NKAIN3: variants seen among roughly 807,000 people sequenced by gnomAD.
NKAIN3 encodes sodium/potassium transporting ATPase interacting 3, also known as sodium/potassium-transporting ATPase subunit beta-1-interacting protein 3.
A neutral mutation model predicts 30.2 loss-of-function variants in NKAIN3; 25 were observed. That is an observed-to-expected ratio of 0.83 (90% CI 0.60 to 1.16). The LOEUF (loss-of-function observed/expected upper bound fraction) is 1.16. Ranked by LOEUF, NKAIN3 falls within the 50% of genes most tolerant of loss-of-function variation. The pLI is 0.00. For synonymous variants in NKAIN3, 91 were observed against 89.6 expected (o/e 1.02, Z -0.09); for missense variants, 225 against 254.1 (o/e 0.89, Z 0.78).
chr8:62,733,953 C>G (rs1352863960), intron 3 of NKAIN3, among the ~76,000 whole-genome samples: 1 of 152,112 alleles, frequency 6.6e-6, no homozygotes, highest in Non-Finnish European at 1.5e-5. Flanking sequence ...ATTCTCTTCC[C>G]TTTAGTGATT....
rs1215250972 is a variant in NKAIN3, at chr8:62,564,686, C to A, written c.55-14853C>A. Reference sequence around the variant, plus strand: ...TCAAATATAATAAAATAGAACAGAACAGAGCAGGTTATGGCACACATAATA... The same window carrying A: ...TCAAATATAATAAAATAGAACAGAAAAGAGCAGGTTATGGCACACATAATA... On this transcript the variant is annotated intron_variant, in intron 1 of 6. Transcript: ENST00000623646. Among the ~76,000 whole-genome samples the A allele has an allele frequency of 2.0e-5, 3 of 152,154 alleles. No individual in the cohort carries two copies. The East Asian group carries it at 5.8e-4, about 30-fold the overall frequency.
chr8:62,924,805 G>T (rs961804649), intron 5 of NKAIN3, among the ~76,000 whole-genome samples: 9 of 152,152 alleles, frequency 5.9e-5, no homozygotes, highest in Non-Finnish European at 1.0e-4. Flanking sequence ...CAGCAGACTT[G>T]GTGTCTGGTG....
intron 4 of NKAIN3, among the ~76,000 whole-genome samples, chr8:62,781,141 A>G (rs1220704928): frequency 1.3e-5 from 2 of 151,990 alleles, no homozygotes; most frequent in Admixed American, 1.3e-4. Context: ...AAATATTGAA[A>G]TAGCCAAAAA....
At position 62,389,109 on chromosome 8, in the gene NKAIN3, A is replaced by C. The variant is rs567870466; in HGVS notation, c.54+139982A>C. ...TGGAGAGGGAAGGGAGAGCTGCTGC[A>C]TGAAAACTAGAAAGGCAGCCTGAAT... On this transcript the variant is annotated intron_variant, in intron 1 of 6. Transcript: ENST00000623646. Among the ~76,000 whole-genome samples, 188 of 152,330 alleles carry C rather than the reference A, an allele frequency of 1.2e-3. 1 individual carries two copies. The highest frequency in any genetic ancestry group is 4.4e-3 in the African/African-American group (183 of 41,574).
intron 3 of NKAIN3, among the ~76,000 whole-genome samples, chr8:62,730,771 G>A (rs1170215617): frequency 2.6e-5 from 4 of 151,892 alleles, no homozygotes; most frequent in Admixed American, 1.3e-4. Context: ...ATTTCTTACT[G>A]CAAAAGCAAA....
intron 4 of NKAIN3, among the ~76,000 whole-genome samples, chr8:62,913,703 A>T (rs369599891): frequency 3.1e-4 from 47 of 152,318 alleles, no homozygotes; most frequent in African/African-American, 9.4e-4. Flanking sequence ...GACACAAATG[A>T]ATTATTTTAA....
intron 5 of NKAIN3, among the ~76,000 whole-genome samples, chr8:62,998,126 G>A (rs1040775916): frequency 1.3e-5 from 2 of 152,116 alleles, no homozygotes; most frequent in Non-Finnish European, 2.9e-5. Flanking sequence ...GTGTCTCCAA[G>A]TTCTTGTCAT....
At chr8:62,484,455 G>A (rs1175958640) in intron 1 of NKAIN3, among the ~76,000 whole-genome samples, 1 of 152,140 alleles carries the variant, frequency 6.6e-6, no homozygotes, top group Non-Finnish European at 1.5e-5. Context: ...GTGGGGTTTG[G>A]GGCCTGTGCA....
intron 1 of NKAIN3, among the ~76,000 whole-genome samples, chr8:62,402,593 T>C (rs1392392637): frequency 6.6e-6 from 1 of 152,194 alleles, no homozygotes; most frequent in Non-Finnish European, 1.5e-5. Context: ...CTTTTCCCTT[T>C]GAACTTGGAT....
intron 3 of NKAIN3, among the ~76,000 whole-genome samples, chr8:62,732,179 A>T (rs956589438): frequency 3.9e-5 from 6 of 152,116 alleles, no homozygotes; most frequent in African/African-American, 1.4e-4. Context: ...AAACTAAGAA[A>T]ACTCTTATCT....
At position 62,966,215 on chromosome 8, in the gene NKAIN3, A is replaced by G; in HGVS notation, c.*808A>G. ...CTTGTGGGACAGAAATCACAAACAT[A>G]GACCTGCAGTCAGGAACTTTTCTCT... On this transcript the variant is annotated 3_prime_UTR_variant, in exon 7 of 7. Transcript: ENST00000623646. 1.0e-6 allele frequency: 1 copy of G among 985,094 alleles called. No homozygotes were observed. The highest frequency in any genetic ancestry group is 1.2e-6 in the Non-Finnish European group (1 of 829,648). The allele number at this position is 985,094 out of a possible 1,614,324, so 61.0% of individuals were successfully genotyped here. A position where few individuals can be genotyped will look rare whatever the true frequency, so the allele number is the denominator to read the frequency against.
At chr8:62,928,164 G>GA (rs1197012855) in intron 5 of NKAIN3, among the ~76,000 whole-genome samples, 4 of 151,772 alleles carry the variant, frequency 2.6e-5, no homozygotes, top group South Asian at 4.2e-4. Flanking sequence ...ATGCAAGTGT[G>GA]AAAAAAAATA....
chr8:62,813,364 T>C (rs1248668270), intron 4 of NKAIN3, among the ~76,000 whole-genome samples: 2 of 151,984 alleles, frequency 1.3e-5, no homozygotes. Flanking sequence ...TAGGATTTTT[T>C]TTTATCTCTG....
At chr8:62,839,805 G>A (rs1819477162) in intron 4 of NKAIN3, among the ~76,000 whole-genome samples, 1 of 151,798 alleles carries the variant, frequency 6.6e-6, no homozygotes, top group Non-Finnish European at 1.5e-5. Context: ...ATTTTGTTAG[G>A]GTCTCACTAT....
chr8:62,732,783 A>G (rs1188894715), intron 3 of NKAIN3, among the ~76,000 whole-genome samples: 2 of 152,040 alleles, frequency 1.3e-5, no homozygotes, highest in African/African-American at 2.4e-5. Context: ...TTTGTCTGAT[A>G]CTAGTATAAT....
intron 4 of NKAIN3, among the ~76,000 whole-genome samples, chr8:62,803,903 T>C (rs1470126673): frequency 2.6e-5 from 4 of 152,082 alleles, no homozygotes; most frequent in Admixed American, 1.3e-4. Flanking sequence ...AAGAATCAAA[T>C]AGACGCAATA....
intron 1 of NKAIN3, among the ~76,000 whole-genome samples, chr8:62,391,849 A>T (rs1817591794): frequency 6.6e-6 from 1 of 151,570 alleles, no homozygotes; most frequent in South Asian, 2.1e-4. Context: ...AAAATATTAG[A>T]CTCATTTAGG....
At chr8:62,606,451 C>T (rs1811135512) in intron 3 of NKAIN3, among the ~76,000 whole-genome samples, 1 of 152,060 alleles carries the variant, frequency 6.6e-6, no homozygotes, top group African/African-American at 2.4e-5. Flanking sequence ...AATACTGATT[C>T]AAAAAGTATT....
chr8:62,620,940 GC>G (rs1298545868), intron 3 of NKAIN3, among the ~76,000 whole-genome samples: 1 of 152,100 alleles, frequency 6.6e-6, no homozygotes, highest in Non-Finnish European at 1.5e-5. Context: ...AAAATATAGG[GC>G]TGGCCTTGAA....
Sources: allele counts gnomAD v4.1 joint callset (sites outside exome capture counted in the v4.1 genomes callset), GRCh38; gene constraint gnomAD v4.1.1; transcripts MANE v1.5; gene names NCBI Gene and HGNC (gene_info 2026-07-23, HGNC 2026-07-21).